FAM219A: variants seen among roughly 807,000 people sequenced by gnomAD.
The protein encoded by FAM219A is family with sequence similarity 219 member A, also known as protein FAM219A.
Under a neutral mutation model 23.4 loss-of-function variants are expected in FAM219A, and 7 were observed. The observed-to-expected ratio is 0.30, with a 90% CI of 0.17 to 0.56. FAM219A has a LOEUF of 0.56. Among genes scored for constraint, FAM219A ranks in the 20% least tolerant of loss-of-function variants. The probability of loss-of-function intolerance (pLI) is 0.92; values close to 1 mark genes in which losing one functional copy is unlikely to be tolerated. For missense variants in FAM219A, 166 were observed against 246.9 expected (o/e 0.67, Z 2.20); for synonymous variants, 93 against 99.0 (o/e 0.94, Z 0.36).
chr9:34,435,746 A>G (rs1421834034), intron 1 of FAM219A, among the ~76,000 whole-genome samples: 1 of 151,914 alleles, frequency 6.6e-6, no homozygotes. Flanking sequence ...GGCTGCCCAT[A>G]TGTATGCTAT....
At chr9:34,407,447 C>T (rs1821678289) in intron 1 of FAM219A, among the ~76,000 whole-genome samples, 1 of 152,070 alleles carries the variant, frequency 6.6e-6, no homozygotes, top group Non-Finnish European at 1.5e-5. Flanking sequence ...ATCATAGGTA[C>T]CTATCAACAG....
At chr9:34,450,562 G>A (rs1823530209) in intron 1 of FAM219A, among the ~76,000 whole-genome samples, 1 of 151,978 alleles carries the variant, frequency 6.6e-6, no homozygotes, top group Non-Finnish European at 1.5e-5. Flanking sequence ...GGGATTACAG[G>A]TGGCCACCAC....
chr9:34,455,067 A>G (rs1823682811), intron 1 of FAM219A, among the ~76,000 whole-genome samples: 1 of 152,258 alleles, frequency 6.6e-6, no homozygotes, highest in Non-Finnish European at 1.5e-5. Flanking sequence ...ACTTTGACAC[A>G]CTGTGGGCTC....
rs1197832937 is a variant in FAM219A at position 34,414,983 on chromosome 9, ACT to A, written c.61-9021_61-9020del. On this transcript the variant is annotated intron_variant, in intron 1 of 5. Transcript: ENST00000651358. ...TTTAGTTTTTTAGAGACAGGGTCTCACTCTGTCATCCAAGCTGGAGTGCAGTG... is the reference window on the plus strand; with the variant it reads ...TTTAGTTTTTTAGAGACAGGGTCTCACTGTCATCCAAGCTGGAGTGCAGTG... Among the ~76,000 whole-genome samples the A allele has an allele frequency of 4.6e-5, 7 of 152,146 alleles. 1 individual carries two copies. In the South Asian group the frequency reaches 1.5e-3, roughly 32 times the overall value.
intron 1 of FAM219A, among the ~76,000 whole-genome samples, chr9:34,439,208 T>C (rs537177693): frequency 3.3e-5 from 5 of 152,202 alleles, no homozygotes; most frequent in South Asian, 4.1e-4. Context: ...ACCGCGAGGG[T>C]CCGCGGCTTT....
intron 1 of FAM219A, among the ~76,000 whole-genome samples, chr9:34,416,558 G>C (rs1822038917): frequency 6.6e-6 from 1 of 152,036 alleles, no homozygotes; most frequent in African/African-American, 2.4e-5. Flanking sequence ...GAGGCCAGGA[G>C]TTCGAGACCA....
At chr9:34,401,756 A>T (rs1181712514) in intron 4 of FAM219A, 36 bp from the exon 5 acceptor site, 1 of 1,594,166 alleles carries the variant, frequency 6.3e-7, no homozygotes, top group Admixed American at 1.8e-5. Flanking sequence ...AGTGATACCA[A>T]GAAATTACAT....
chr9:34,421,874 T>A (rs1822296963), intron 1 of FAM219A, among the ~76,000 whole-genome samples: 1 of 152,160 alleles, frequency 6.6e-6, no homozygotes, highest in Admixed American at 6.5e-5. Context: ...ATTCAGTAGG[T>A]CTGGAACCTG....
At chr9:34,420,499 C>A (rs1463027283) in intron 1 of FAM219A, among the ~76,000 whole-genome samples, 2 of 152,194 alleles carry the variant, frequency 1.3e-5, no homozygotes, top group Non-Finnish European at 2.9e-5. Context: ...CCTACCCTGC[C>A]ACAGGGCACT....
Position 34,458,223 on chromosome 9 carries a change from T to A in FAM219A, c.41A>T (p.His14Leu). Reference sequence around the variant, plus strand: ...CCTCACCAGCGGCTGCATCTCCGAGTGCGCGGTGGGCACCTGGAACCGGTC... The same window carrying A: ...CCTCACCAGCGGCTGCATCTCCGAGAGCGCGGTGGGCACCTGGAACCGGTC... ...EIDRFQVPTA[H>L]SEMQPLDPAA... Residue 14 changes from histidine to leucine, a missense_variant, in exon 1 of 6, where the codon CAC becomes CTC. His to Leu is a moderately conservative substitution (Grantham distance 99). Around this residue, in one of 3 missense-constraint regions of FAM219A, gnomAD observed 89 missense variants for 98.8 expected, o/e 0.90. Coordinates refer to ENST00000651358, the MANE Select transcript of FAM219A (RefSeq NM_001184940.2). This position sits in a 1 kb window ranked among gnomAD's most constrained non-coding sequence, Gnocchi z 6.6. 1 of 1,589,992 alleles carries A rather than the reference T, an allele frequency of 6.3e-7. No homozygotes were observed. Among genetic ancestry groups the A allele is most frequent in the Non-Finnish European group, 8.5e-7 (1 of 1,172,180 alleles).
chr9:34,402,621 G>A, intron 3 of FAM219A, 84 bp downstream of exon 3: 1 of 1,562,764 alleles, frequency 6.4e-7, no homozygotes, highest in Non-Finnish European at 8.8e-7. Flanking sequence ...TGGGCCTGAG[G>A]AGGGAGGGAA....
At chr9:34,418,833 GC>G (rs1822135620) in intron 1 of FAM219A, among the ~76,000 whole-genome samples, 1 of 152,186 alleles carries the variant, frequency 6.6e-6, no homozygotes, top group Non-Finnish European at 1.5e-5. Flanking sequence ...ACTTTGGGAG[GC>G]CGAGGTGGGT....
Position 34,401,789 on chromosome 9 carries a change from C to T in FAM219A, c.345-69G>A, listed in dbSNP as rs924817834. The T allele has an allele frequency of 2.7e-5, 41 of 1,519,108 alleles. No individual in the cohort carries two copies. In the African/African-American group the frequency reaches 5.0e-4, roughly 19 times the overall value. 94.1% of individuals were successfully genotyped at this position (1,519,108 alleles called of 1,614,324 possible). On this transcript the variant is annotated intron_variant, in intron 4 of 5. Transcript: ENST00000651358. Reference sequence around the variant, plus strand: ...CATAGAAAACTCTCTGCAATCCCACCTCCCATTAGGCAGCATCCTATACCT... The same window carrying T: ...CATAGAAAACTCTCTGCAATCCCACTTCCCATTAGGCAGCATCCTATACCT...
chr9:34,407,732 G>A (rs201768384), intron 1 of FAM219A, among the ~76,000 whole-genome samples: 1 of 152,338 alleles, frequency 6.6e-6, no homozygotes, highest in East Asian at 1.9e-4. Context: ...CTAAGCCTAA[G>A]GTGCGAGGAG....
intron 1 of FAM219A, among the ~76,000 whole-genome samples, chr9:34,410,616 A>G (rs1247783942): frequency 1.3e-5 from 2 of 152,170 alleles, no homozygotes; most frequent in Non-Finnish European, 2.9e-5. Flanking sequence ...TGCCTCCCCA[A>G]CATTCAAATT....
At chr9:34,444,392 G>A (rs1823296725) in intron 1 of FAM219A, among the ~76,000 whole-genome samples, 2 of 152,154 alleles carry the variant, frequency 1.3e-5, no homozygotes, top group Admixed American at 1.3e-4. Flanking sequence ...CCATTTCCAG[G>A]AGGATGTGTA....
chr9:34,414,984 C>G (rs147825877), intron 1 of FAM219A, among the ~76,000 whole-genome samples: 92 of 152,306 alleles, frequency 6.0e-4, no homozygotes, highest in African/African-American at 2.0e-3. Flanking sequence ...CAGGGTCTCA[C>G]TCTGTCATCC....
At chr9:34,441,690 G>C (rs146543450) in intron 1 of FAM219A, among the ~76,000 whole-genome samples, 2 of 152,234 alleles carry the variant, frequency 1.3e-5, no homozygotes, top group African/African-American at 4.8e-5. Context: ...TGACAGTCAA[G>C]GGCTGTAAAA....
Position 34,400,800 on chromosome 9 carries a change from G to A in FAM219A, c.*164C>T, listed in dbSNP as rs1487361206. 1.5e-6 allele frequency: 1 copy of A among 677,138 alleles called. No homozygotes were observed. The highest frequency in any genetic ancestry group is 1.9e-5 in the African/African-American group (1 of 52,350). The allele number at this position is 677,138 out of a possible 1,614,324, so 41.9% of individuals were successfully genotyped here. A position where few individuals can be genotyped will look rare whatever the true frequency, so the allele number is the denominator to read the frequency against. On this transcript the variant is annotated 3_prime_UTR_variant, in exon 6 of 6. Coordinates refer to ENST00000651358, the MANE Select transcript of FAM219A (RefSeq NM_001184940.2). ...TTCTCCAGCTCCATGAACACACAGA[G>A]GTACACGTCCTACCATAGGAGGAAG... is the stretch of plus-strand genomic sequence containing the variant.
Sources: gnomAD v4.1 joint callset for allele counts (sites outside exome capture counted in the v4.1 genomes callset) on GRCh38, gnomAD v4.1.1 for gene constraint, gnomAD v4.1.1 regional missense constraint, Gnocchi (gnomAD v3.1) non-coding constraint, MANE v1.5 for transcripts, NCBI Gene and HGNC (gene_info 2026-07-23, HGNC 2026-07-21) for gene names.